Variants in SLC39A11 observed in about 807,000 individuals in gnomAD.
The protein encoded by SLC39A11 is solute carrier family 39 member 11.
SLC39A11 carries 33 observed loss-of-function variants against 36.1 expected under a neutral mutation model. That is an observed-to-expected ratio of 0.91 (90% CI 0.69 to 1.22). The LOEUF (loss-of-function observed/expected upper bound fraction) is 1.22, where lower values mean the gene tolerates loss of function less well. Ranked by LOEUF, SLC39A11 falls within the 50% of genes most tolerant of loss-of-function variation. The pLI is 0.00. For synonymous variants in SLC39A11, 166 were observed against 170.3 expected, an observed-to-expected ratio of 0.97 and a Z score of 0.20; for missense variants, 432 against 430.3, an observed-to-expected ratio of 1.00 and a Z score of -0.03.
intron 5 of SLC39A11, among the ~76,000 whole-genome samples, chr17:72,922,209 G>A (rs1208610571): frequency 6.6e-6 from 1 of 152,204 alleles, no homozygotes; most frequent in Admixed American, 6.5e-5. Context: ...GAAGCACCCA[G>A]CTTGTGTCTG....
chr17:73,040,435 C>A (rs1284361313), intron 3 of SLC39A11, among the ~76,000 whole-genome samples: 1 of 152,176 alleles, frequency 6.6e-6, no homozygotes, highest in Non-Finnish European at 1.5e-5. Flanking sequence ...CAGTTTGTAT[C>A]CTGATTGGTA....
chr17:72,974,704 T>C lies in SLC39A11; in HGVS notation c.307-26829A>G, dbSNP rs183927929. ...TATACAGTGTTTACAAAGTCTACGG[T>C]AGTGTATAGTAATGTCCTAGGCCTT... On this transcript the variant is annotated intron_variant, in intron 4 of 9. Coordinates refer to ENST00000255559, the MANE Select transcript of SLC39A11 (RefSeq NM_139177.4). Among the ~76,000 whole-genome samples the C allele has an allele frequency of 1.7e-3, 253 of 152,348 alleles. 1 individual carries two copies. Among genetic ancestry groups the C allele is most frequent in the African/African-American group, 5.1e-3 (214 of 41,588 alleles).
At chr17:72,977,563 C>A (rs1394028446) in intron 4 of SLC39A11, among the ~76,000 whole-genome samples, 1 of 152,036 alleles carries the variant, frequency 6.6e-6, no homozygotes, top group African/African-American at 2.4e-5. Flanking sequence ...ACACCCCCAC[C>A]CCTGGTGAGA....
chr17:72,903,177 A>G (rs2082482021), intron 5 of SLC39A11, among the ~76,000 whole-genome samples: 2 of 151,880 alleles, frequency 1.3e-5, no homozygotes, highest in South Asian at 4.2e-4. Flanking sequence ...GAAGCAGGAG[A>G]ACTATTTGAA....
intron 7 of SLC39A11, among the ~76,000 whole-genome samples, chr17:72,704,806 G>C (rs143476595): frequency 6.6e-6 from 1 of 152,326 alleles, no homozygotes; most frequent in African/African-American, 2.4e-5. Flanking sequence ...CCTGAACAAT[G>C]GGTGCAACTC....
In SLC39A11 at chr17:72,897,616, C is replaced by T. The variant is rs114059259; in HGVS notation, c.431-47812G>A. On this transcript the variant is annotated intron_variant, in intron 5 of 9. Coordinates refer to ENST00000255559, the MANE Select transcript of SLC39A11 (RefSeq NM_139177.4). ...GCTGAGTTTGAAGAAAGTCTAATAT[C>T]ATGGTGATGTCAGGATCCTTGTGAG... Among the ~76,000 whole-genome samples, 1,153 of 152,168 alleles carry T rather than the reference C, an allele frequency of 7.6e-3. 13 individuals carry two copies. Among genetic ancestry groups the T allele is most frequent in the African/African-American group, 0.027 (1,106 of 41,552 alleles).
At chr17:72,900,149 AAAG>A (rs758847632) in intron 5 of SLC39A11, among the ~76,000 whole-genome samples, 1 of 114,090 alleles carries the variant, frequency 8.8e-6, no homozygotes, top group Non-Finnish European at 1.8e-5. Flanking sequence ...AAAAAGAAAG[AAAG>A]AAAAGAAAGA....
At chr17:72,819,642 A>G (rs1201440224) in intron 6 of SLC39A11, among the ~76,000 whole-genome samples, 1 of 151,156 alleles carries the variant, frequency 6.6e-6, no homozygotes, top group Non-Finnish European at 1.5e-5. Context: ...TAGAAGCCCA[A>G]AAAACAGCCT....
intron 6 of SLC39A11, among the ~76,000 whole-genome samples, chr17:72,773,273 T>C (rs2076012442): frequency 6.6e-6 from 1 of 152,114 alleles, no homozygotes; most frequent in African/African-American, 2.4e-5. Context: ...AGGGGTGACA[T>C]GGTTTGGCTG....
chr17:72,700,017 C>A lies in SLC39A11; in HGVS notation c.671+36633G>T, dbSNP rs114839073. Among the ~76,000 whole-genome samples the A allele has an allele frequency of 2.2e-3, 337 of 152,252 alleles. 2 individuals carry two copies. Among genetic ancestry groups the A allele is most frequent in the African/African-American group, 8.0e-3 (331 of 41,528 alleles). On this transcript the variant is annotated intron_variant, in intron 7 of 9. Transcript: ENST00000255559. ...GGTACTTCTGGTACCTGACTTATGG[C>A]AAGATAGATCAGGGGTTTCTGCAAG...
rs1444992316 is a variant in SLC39A11 at position 72,697,593 on chromosome 17, C to T, written c.671+39057G>A. 2.0e-5 allele frequency among the ~76,000 whole-genome samples: 3 copies of T among 152,112 alleles called. 1 individual carries two copies. The highest frequency in any genetic ancestry group is 6.3e-3 in the Middle Eastern group (2 of 316). ...ATCCAAGTGTTCCAAACAATGAGCT[C>T]GCTATGCCACAGTGCAAATCCCTGG... On this transcript the variant is annotated intron_variant, in intron 7 of 9. Coordinates refer to ENST00000255559, the MANE Select transcript of SLC39A11 (RefSeq NM_139177.4).
At chr17:72,765,847 C>T (rs538199578) in intron 6 of SLC39A11, among the ~76,000 whole-genome samples, 1 of 152,254 alleles carries the variant, frequency 6.6e-6, no homozygotes, top group South Asian at 2.1e-4. Flanking sequence ...ATAACTTGGC[C>T]CAATGCTGGC....
At chr17:72,739,085 T>C (rs1009014952) in intron 6 of SLC39A11, among the ~76,000 whole-genome samples, 11 of 151,950 alleles carry the variant, frequency 7.2e-5, no homozygotes. Flanking sequence ...GGGGTCCTGA[T>C]GGGATAGCTG....
intron 6 of SLC39A11, among the ~76,000 whole-genome samples, chr17:72,801,308 C>T (rs953997402): frequency 1.3e-5 from 2 of 152,064 alleles, no homozygotes; most frequent in Admixed American, 6.5e-5. Flanking sequence ...GCAACCTCTG[C>T]CTCCTGGGTT....
At chr17:72,719,974 C>A (rs1232485997) in intron 7 of SLC39A11, among the ~76,000 whole-genome samples, 1 of 152,130 alleles carries the variant, frequency 6.6e-6, no homozygotes, top group African/African-American at 2.4e-5. Context: ...GGAAGGGGCC[C>A]CCAAATGAGT....
At chr17:72,930,379 A>T (rs1199061710) in intron 5 of SLC39A11, among the ~76,000 whole-genome samples, 1 of 152,178 alleles carries the variant, frequency 6.6e-6, no homozygotes, top group South Asian at 2.1e-4. Context: ...TCTTGGTCAG[A>T]TCATAGGATC....
intron 3 of SLC39A11, among the ~76,000 whole-genome samples, chr17:73,065,807 A>G (rs1426615162): frequency 1.3e-5 from 2 of 152,178 alleles, no homozygotes; most frequent in African/African-American, 4.8e-5. Context: ...TTTTCCACCA[A>G]TGTTTAAGTT....
chr17:73,055,690 C>T (rs1314221246), intron 3 of SLC39A11, among the ~76,000 whole-genome samples: 1 of 152,082 alleles, frequency 6.6e-6, no homozygotes, highest in East Asian at 1.9e-4. Flanking sequence ...CCAGGTTGGT[C>T]TTGAACTCCT....
intron 3 of SLC39A11, among the ~76,000 whole-genome samples, chr17:73,063,525 G>A (rs954862702): frequency 2.0e-5 from 3 of 152,074 alleles, no homozygotes; most frequent in Admixed American, 1.3e-4. Context: ...TGAGGCAGGA[G>A]AATCACTTGA....
Sources: allele counts gnomAD v4.1 joint callset (sites outside exome capture counted in the v4.1 genomes callset), GRCh38; gene constraint gnomAD v4.1.1; transcripts MANE v1.5; gene names NCBI Gene and HGNC (gene_info 2026-07-23, HGNC 2026-07-21).